DGKI: variants seen among roughly 807,000 people sequenced by gnomAD.
DGKI encodes DAG kinase iota.
DGKI carries 55 observed loss-of-function variants against 147.5 expected under a neutral mutation model. The observed-to-expected ratio is 0.37, with a 90% CI of 0.30 to 0.47. The LOEUF (loss-of-function observed/expected upper bound fraction) is 0.47, where lower values mean the gene tolerates loss of function less well. Ranked by LOEUF, DGKI falls within the 20% of genes least tolerant of loss-of-function variation. The pLI is 1.00. For missense variants in DGKI, 1,007 were observed against 1,323.8 expected (o/e 0.76, Z 3.71); for synonymous variants, 469 against 477.1 (o/e 0.98, Z 0.22).
chr7:137,419,441 T>G (rs1402165087), intron 28 of DGKI, among the ~76,000 whole-genome samples: 8 of 152,226 alleles, frequency 5.3e-5, no homozygotes, highest in Non-Finnish European at 1.2e-4. Flanking sequence ...TGCATAGCCT[T>G]TGCTGTATTT....
intron 8 of DGKI, among the ~76,000 whole-genome samples, chr7:137,619,560 A>C (rs923470285): frequency 6.6e-6 from 1 of 152,160 alleles, no homozygotes; most frequent in African/African-American, 2.4e-5. Flanking sequence ...TATCAAAGAG[A>C]ATATCATTAG....
intron 28 of DGKI, among the ~76,000 whole-genome samples, chr7:137,438,477 T>C (rs915461126): frequency 6.6e-6 from 1 of 152,086 alleles, no homozygotes; most frequent in Non-Finnish European, 1.5e-5. Context: ...TCCACTGAAG[T>C]TGGGAGTGTA....
At chr7:137,820,124 C>T in intron 1 of DGKI, among the ~76,000 whole-genome samples, 1 of 152,170 alleles carries the variant, frequency 6.6e-6, no homozygotes, top group Non-Finnish European at 1.5e-5. Context: ...TTTCACTCAT[C>T]CTTGCATCTA....
At chr7:137,620,087 C>A (rs1391783705) in intron 7 of DGKI, 147 bp from the exon 8 acceptor site, 3 of 624,966 alleles carry the variant, frequency 4.8e-6, no homozygotes, top group Non-Finnish European at 8.6e-6. Context: ...TATGCATGCA[C>A]ACATGCACAC....
chr7:137,691,260 C>T (rs1057417188), intron 1 of DGKI, among the ~76,000 whole-genome samples: 1 of 152,154 alleles, frequency 6.6e-6, no homozygotes, highest in Admixed American at 6.5e-5. Flanking sequence ...AAGGGGAGCT[C>T]TAAAGAAAAC....
At chr7:137,766,256 C>T (rs1198729448) in intron 1 of DGKI, among the ~76,000 whole-genome samples, 1 of 152,170 alleles carries the variant, frequency 6.6e-6, no homozygotes, top group Non-Finnish European at 1.5e-5. Flanking sequence ...GAAGCAAACT[C>T]TAAGAAACAA....
At chr7:137,500,789 A>T (rs1389165018) in intron 21 of DGKI, among the ~76,000 whole-genome samples, 1 of 152,128 alleles carries the variant, frequency 6.6e-6, no homozygotes, top group Non-Finnish European at 1.5e-5. Context: ...TGATATTTTG[A>T]TATGTGTATA....
At chr7:137,824,892 T>G (rs1251846986) in intron 1 of DGKI, among the ~76,000 whole-genome samples, 1 of 152,212 alleles carries the variant, frequency 6.6e-6, no homozygotes, top group Non-Finnish European at 1.5e-5. Context: ...CACGATCTCA[T>G]CCCTTTTTAT....
At chr7:137,490,079 G>A (rs905239272) in intron 21 of DGKI, among the ~76,000 whole-genome samples, 3 of 152,118 alleles carry the variant, frequency 2.0e-5, no homozygotes, top group African/African-American at 7.2e-5. Context: ...TTTTGATTGA[G>A]CAATACTTAG....
At chr7:137,424,671 G>C (rs966422932) in intron 28 of DGKI, among the ~76,000 whole-genome samples, 1 of 152,172 alleles carries the variant, frequency 6.6e-6, no homozygotes, top group African/African-American at 2.4e-5. Flanking sequence ...TGGAAAATCA[G>C]GTCACTCCCA....
At chr7:137,445,806 ACTC>A (rs2128918251) in intron 27 of DGKI, among the ~76,000 whole-genome samples, 1 of 152,228 alleles carries the variant, frequency 6.6e-6, no homozygotes, top group Non-Finnish European at 1.5e-5. Flanking sequence ...TAATGTGGAC[ACTC>A]TCAGAGCCAA....
chr7:137,711,807 C>T (rs921987623), intron 1 of DGKI, among the ~76,000 whole-genome samples: 1 of 150,642 alleles, frequency 6.6e-6, no homozygotes, highest in Admixed American at 6.7e-5. Flanking sequence ...GATTCTCCTG[C>T]CTCAGCCTCC....
intron 19 of DGKI, among the ~76,000 whole-genome samples, chr7:137,554,308 T>G (rs1818147738): frequency 6.6e-6 from 1 of 152,234 alleles, no homozygotes; most frequent in African/African-American, 2.4e-5. Context: ...TAGCATCTTA[T>G]AAGACATAGT....
chr7:137,769,107 A>T (rs551874826), intron 1 of DGKI, among the ~76,000 whole-genome samples: 6 of 152,340 alleles, frequency 3.9e-5, no homozygotes, highest in Admixed American at 3.9e-4. Context: ...GGGATTTCGC[A>T]TTCTGATTAC....
At chr7:137,562,334 G>A (rs1218751636) in intron 19 of DGKI, among the ~76,000 whole-genome samples, 4 of 152,138 alleles carry the variant, frequency 2.6e-5, no homozygotes, top group Non-Finnish European at 5.9e-5. Flanking sequence ...TCAGGAGTTC[G>A]AGACCAGCCT....
intron 1 of DGKI, among the ~76,000 whole-genome samples, chr7:137,824,414 G>A (rs1797994611): frequency 1.3e-5 from 2 of 151,822 alleles, no homozygotes; most frequent in Non-Finnish European, 2.9e-5. Flanking sequence ...TACTCGGGAG[G>A]CTGAGGCAGG....
rs146535417 is a variant in DGKI, at chr7:137,474,798, G to A, written c.2374-5179C>T. Among the ~76,000 whole-genome samples the A allele has an allele frequency of 9.8e-3, 1,485 of 152,274 alleles. 22 individuals are homozygous for A. The highest frequency in any genetic ancestry group is 0.034 in the African/African-American group (1,414 of 41,560). ...CCAATTAAGCAGCAAGCCCAGAGGC[G>A]GCGGAAGGCTGATGGGAAGCACACC... On this transcript the variant is annotated intron_variant, in intron 23 of 32. Transcript: ENST00000614521.
chr7:137,493,331 C>T (rs867158242), intron 21 of DGKI, among the ~76,000 whole-genome samples: 2 of 152,212 alleles, frequency 1.3e-5, no homozygotes, highest in Non-Finnish European at 2.9e-5. Context: ...AAGCCCCTGG[C>T]TCACCAGGGC....
intron 3 of DGKI, among the ~76,000 whole-genome samples, chr7:137,666,583 C>T (rs888877148): frequency 2.6e-5 from 4 of 152,168 alleles, no homozygotes; most frequent in African/African-American, 9.7e-5. Context: ...GTCTTTATAA[C>T]AAGCATGGCG....
Sources: allele counts gnomAD v4.1 joint callset (sites outside exome capture counted in the v4.1 genomes callset), GRCh38; gene constraint gnomAD v4.1.1; transcripts MANE v1.5; gene names NCBI Gene and HGNC (gene_info 2026-07-23, HGNC 2026-07-21).